CMIP: variants seen among roughly 807,000 people sequenced by gnomAD.
CMIP encodes the protein C-Maf-inducing protein.
CMIP carries 13 observed loss-of-function variants against 97.3 expected under a neutral mutation model. That is an observed-to-expected ratio of 0.13 (90% CI 0.09 to 0.21). The LOEUF (loss-of-function observed/expected upper bound fraction) is 0.21, where lower values mean the gene tolerates loss of function less well. Among genes scored for constraint, CMIP ranks in the 10% least tolerant of loss-of-function variants. The pLI is 1.00. For synonymous variants in CMIP, 538 were observed against 436.3 expected (o/e 1.23, Z -2.91); for missense variants, 847 against 1,024.9 (o/e 0.83, Z 2.37).
At chr16:81,684,407 C>T (rs543443045) in intron 10 of CMIP, among the ~76,000 whole-genome samples, 324 of 152,334 alleles carry the variant, frequency 2.1e-3, no homozygotes, top group Non-Finnish European at 3.4e-3. Flanking sequence ...ACCGTGAGGC[C>T]GCCACGTTCT....
At chr16:81,583,848 G>A (rs1213439132) in intron 1 of CMIP, among the ~76,000 whole-genome samples, 1 of 152,234 alleles carries the variant, frequency 6.6e-6, no homozygotes, top group Non-Finnish European at 1.5e-5. Context: ...AAGTCACTGA[G>A]CAGAGGAACA....
chr16:81,710,225 G>A lies in CMIP; in HGVS notation c.*426G>A, dbSNP rs1271109007. 1.3e-5 allele frequency: 3 copies of A among 223,176 alleles called. No individual in the cohort carries two copies. Among genetic ancestry groups the A allele is most frequent in the South Asian group, 1.3e-4 (2 of 15,024 alleles). The allele number at this position is 223,176 out of a possible 1,614,324, so 13.8% of individuals were successfully genotyped here. A position where few individuals can be genotyped will look rare whatever the true frequency, so the allele number is the denominator to read the frequency against. On this transcript the variant is annotated 3_prime_UTR_variant, in exon 21 of 21. Coordinates refer to ENST00000537098, the MANE Select transcript of CMIP (RefSeq NM_198390.3). ...TCCTAGAGGCTCCGAGCTGAGCTGC[G>A]AACTCGCCCCCCGCCCTTGGGACAA...
In CMIP at chr16:81,453,733, G is replaced by A. The variant is rs1290756458; in HGVS notation, c.300+8192G>A. On this transcript the variant is annotated intron_variant, in intron 1 of 20. Coordinates refer to ENST00000537098, the MANE Select transcript of CMIP (RefSeq NM_198390.3). The surrounding 1 kb of genome is among the most constrained non-coding windows in gnomAD (Gnocchi z 4.0). ...CAGCCCAGTTCTTGCAGTCCTGCAG[G>A]GGTCTCCCGAGGGTTCTGCCCCCTC... Among the ~76,000 whole-genome samples, 3 of 152,228 alleles carry A rather than the reference G, an allele frequency of 2.0e-5. No homozygotes were observed. The highest frequency in any genetic ancestry group is 4.4e-5 in the Non-Finnish European group (3 of 68,026).
chr16:81,477,052 C>A (rs914821951), intron 1 of CMIP, among the ~76,000 whole-genome samples: 1 of 152,026 alleles, frequency 6.6e-6, no homozygotes, highest in Admixed American at 6.6e-5. Flanking sequence ...ATTCATGCCG[C>A]GTTGAGCTGA....
At chr16:81,685,369 G>A (rs1056595555) in intron 10 of CMIP, among the ~76,000 whole-genome samples, 2 of 152,148 alleles carry the variant, frequency 1.3e-5, no homozygotes, top group African/African-American at 4.8e-5. Context: ...CACGCTCACG[G>A]TTCACAGAAC....
intron 1 of CMIP, among the ~76,000 whole-genome samples, chr16:81,499,213 A>C (rs953820782): frequency 6.6e-6 from 1 of 152,090 alleles, no homozygotes; most frequent in Non-Finnish European, 1.5e-5. Flanking sequence ...GTGTCCCAGC[A>C]TGGCCACACC....
In CMIP at chr16:81,652,170, A is replaced by G. The variant is rs757164574; in HGVS notation, c.478-33A>G. The stretch of plus-strand genomic sequence containing the variant: ...ATCTTCTGCCTTCCTTACGTGAGTA[A>G]CATGTTGCTGTCTCTTTATCTCTTT... On this transcript the variant is annotated intron_variant, in intron 3 of 20. Transcript: ENST00000537098. This position sits in a 1 kb window ranked among gnomAD's most constrained non-coding sequence, Gnocchi z 5.2. 6.4e-7 allele frequency: 1 copy of G among 1,572,234 alleles called. No individual in the cohort carries two copies. The highest frequency in any genetic ancestry group is 1.1e-5 in the South Asian group (1 of 89,940).
chr16:81,619,194 G>A (rs2091960978), intron 2 of CMIP: 2 of 152,220 alleles, frequency 1.3e-5, no homozygotes, highest in South Asian at 2.1e-4. Context: ...TTTGCACTTG[G>A]GTAGACTCAA....
At chr16:81,628,132 C>T (rs1362949048) in intron 3 of CMIP, among the ~76,000 whole-genome samples, 3 of 152,176 alleles carry the variant, frequency 2.0e-5, no homozygotes, top group East Asian at 1.9e-4. Flanking sequence ...AAGGGGAAAT[C>T]CTGAGGCTCT....
intron 1 of CMIP, among the ~76,000 whole-genome samples, chr16:81,498,765 G>A (rs1230773881): frequency 2.0e-5 from 3 of 152,082 alleles, no homozygotes; most frequent in South Asian, 2.1e-4. Context: ...GTTTGCAAAC[G>A]GGCAGACACA....
At chr16:81,695,435 T>C (rs567138685) in intron 13 of CMIP, 1 of 152,372 alleles carries the variant, frequency 6.6e-6, no homozygotes, top group African/African-American at 2.4e-5. Context: ...TGCCTTTGTT[T>C]TCTGTGTGCT....
chr16:81,662,137 C>G (rs549330629), intron 6 of CMIP, among the ~76,000 whole-genome samples: 1 of 150,732 alleles, frequency 6.6e-6, no homozygotes. Flanking sequence ...CCTGAGAGAA[C>G]GGCCAGCTGC....
intron 1 of CMIP, among the ~76,000 whole-genome samples, chr16:81,501,499 A>T (rs2089611400): frequency 6.6e-6 from 1 of 151,786 alleles, no homozygotes; most frequent in Non-Finnish European, 1.5e-5. Context: ...ACAGCCCTAA[A>T]TTCTTGAATG....
chr16:81,562,773 A>T (rs531434100), intron 1 of CMIP, among the ~76,000 whole-genome samples: 2 of 152,244 alleles, frequency 1.3e-5, no homozygotes, highest in Admixed American at 1.3e-4. Context: ...CCAGTGAGGG[A>T]CGTAAATATT....
rs1316556446 is a variant in CMIP at position 81,652,136 on chromosome 16, T to C, written c.478-67T>C. 2 of 1,323,502 alleles carry C rather than the reference T, an allele frequency of 1.5e-6. No homozygotes were observed. Among genetic ancestry groups the C allele is most frequent in the Non-Finnish European group, 2.2e-6 (2 of 929,744 alleles). The allele number at this position is 1,323,502 out of a possible 1,614,324, so 82.0% of individuals were successfully genotyped here. On this transcript the variant is annotated intron_variant, in intron 3 of 20. Transcript: ENST00000537098. This position sits in a 1 kb window ranked among gnomAD's most constrained non-coding sequence, Gnocchi z 5.2. ...CACCCTAACCCATCTGATTCTTTGA[T>C]TGTCTTCCATCTTCTGCCTTCCTTA...
In CMIP at chr16:81,597,241, C is replaced by T. The variant is rs2091572230; in HGVS notation, c.301-10326C>T. Among the ~76,000 whole-genome samples the T allele has an allele frequency of 2.0e-5, 3 of 152,146 alleles. No homozygotes were observed. In the South Asian group the frequency reaches 6.2e-4, roughly 32 times the overall value. On this transcript the variant is annotated intron_variant, in intron 1 of 20. Coordinates refer to ENST00000537098, the MANE Select transcript of CMIP (RefSeq NM_198390.3). ...GGATTCACAGTTTAACTCCCTCCAG[C>T]AATTTAGGATTCTGTTTGCACTGTG...
intron 1 of CMIP, among the ~76,000 whole-genome samples, chr16:81,582,692 G>C (rs1414193062): frequency 6.6e-6 from 1 of 152,152 alleles, no homozygotes; most frequent in Admixed American, 6.5e-5. Flanking sequence ...TCCCAGCAGG[G>C]CCTCGCTCCC....
chr16:81,468,296 A>G (rs912956857), intron 1 of CMIP, among the ~76,000 whole-genome samples: 17 of 152,280 alleles, frequency 1.1e-4, no homozygotes, highest in Non-Finnish European at 2.5e-4. Context: ...CCCACTGCCC[A>G]CTCAGACCCC....
chr16:81,544,149 C>T (rs547270368), intron 1 of CMIP, among the ~76,000 whole-genome samples: 2 of 152,236 alleles, frequency 1.3e-5, no homozygotes, highest in African/African-American at 2.4e-5. Context: ...CCCCAATTAT[C>T]CATCATTTGT....
Sources: allele counts gnomAD v4.1 joint callset (sites outside exome capture counted in the v4.1 genomes callset), GRCh38; gene constraint gnomAD v4.1.1; non-coding constraint Gnocchi (gnomAD v3.1); transcripts MANE v1.5; gene names NCBI Gene and HGNC (gene_info 2026-07-23, HGNC 2026-07-21).